The following SLC36A3 variants were observed in gnomAD, a reference collection of about 807,000 sequenced individuals.
The protein encoded by SLC36A3 is solute carrier family 36 member 3, also known as proton-coupled amino acid transporter 3.
In SLC36A3, 35 loss-of-function variants were observed where a neutral mutation model predicts 44.3. That is an observed-to-expected ratio of 0.79 (90% CI 0.60 to 1.05). The LOEUF is 1.05. Ranked by LOEUF, SLC36A3 falls within the 50% of genes least tolerant of loss-of-function variation. The pLI is 0.00. For missense variants in SLC36A3, 540 were observed against 578.7 expected, an observed-to-expected ratio of 0.93 and a Z score of 0.69; for synonymous variants, 211 against 227.6, an observed-to-expected ratio of 0.93 and a Z score of 0.66.
intron 6 of SLC36A3, among the ~76,000 whole-genome samples, 200 bp downstream of exon 6, chr5:151,287,046 T>C (rs1275958728): frequency 6.6e-6 from 1 of 150,644 alleles, no homozygotes; most frequent in Non-Finnish European, 1.5e-5. Context: ...ATGATGAGGA[T>C]GTTGATGACA....
In SLC36A3 at chr5:151,298,663, T is replaced by C. The variant is rs753756281; in HGVS notation, c.149A>G (p.His50Arg). The C allele has an allele frequency of 1.2e-6, 2 of 1,614,076 alleles. No homozygotes were observed. The highest frequency in any genetic ancestry group is 3.3e-5 in the Admixed American group (2 of 60,010). Residue 50 changes from histidine (H) to arginine (R), a missense_variant, in exon 2 of 10, where the codon CAC becomes CGC. Physicochemically the swap from His to Arg is conservative, Grantham distance 29. Transcript: ENST00000335230. ...TGTGCCAATGTTGCATTTCAACAAGTGGATCAAAGTTTGCATCATCCTGTG... is the reference window on the plus strand; with the variant it reads ...TGTGCCAATGTTGCATTTCAACAAGCGGATCAAAGTTTGCATCATCCTGTG... ...AGLSMMQTLIHLLKCNIGTGL... is the reference protein window; with the variant it reads ...AGLSMMQTLIRLLKCNIGTGL...
chr5:151,296,594 C>T (rs1435896954), intron 2 of SLC36A3: 1 of 349,948 alleles, frequency 2.9e-6, no homozygotes, highest in Non-Finnish European at 5.3e-6. Flanking sequence ...TCTGACACAC[C>T]CTGGCCCTCA....
intron 3 of SLC36A3, among the ~76,000 whole-genome samples, chr5:151,294,733 G>A (rs559795052): frequency 3.9e-4 from 60 of 151,930 alleles, no homozygotes; most frequent in African/African-American, 1.4e-3. Context: ...GGGTTCAAGC[G>A]ATTCTCCTGC....
chr5:151,280,492 A>G (rs1001576439), intron 9 of SLC36A3, among the ~76,000 whole-genome samples: 1 of 152,188 alleles, frequency 6.6e-6, no homozygotes, highest in African/African-American at 2.4e-5. Context: ...AGACTGACAA[A>G]TCAGTCCCAC....
intron 7 of SLC36A3, 34 bp from the exon 8 acceptor site, chr5:151,284,244 G>A (rs1450327961): frequency 3.2e-6 from 5 of 1,580,612 alleles, no homozygotes; most frequent in South Asian, 1.2e-5. Flanking sequence ...GAAAGAAAAG[G>A]TAGAAAGAGA....
chr5:151,292,014 C>A (rs1158804144), intron 4 of SLC36A3, among the ~76,000 whole-genome samples: 1 of 152,146 alleles, frequency 6.6e-6, no homozygotes, highest in East Asian at 1.9e-4. Context: ...GCACCCACCA[C>A]CAAGCCTGGC....
chr5:151,282,851 T>C (rs1754374754), intron 8 of SLC36A3, among the ~76,000 whole-genome samples: 1 of 151,924 alleles, frequency 6.6e-6, no homozygotes, highest in African/African-American at 2.4e-5. Flanking sequence ...ATTTATTTTT[T>C]AACTCACATT....
chr5:151,283,417 G>A (rs1460412653), intron 8 of SLC36A3, among the ~76,000 whole-genome samples: 1 of 152,158 alleles, frequency 6.6e-6, no homozygotes, highest in Non-Finnish European at 1.5e-5. Flanking sequence ...TCTAGCTGAG[G>A]TCCCAGGAAG....
Position 151,284,718 on chromosome 5 carries a change from G to GA in SLC36A3, c.709-8dup. On this transcript the variant is annotated splice_polypyrimidine_tract_variant and splice_region_variant and intron_variant, in intron 6 of 9. Coordinates refer to ENST00000335230, the MANE Select transcript of SLC36A3 (RefSeq NM_181774.4). ...TGCTGGGATATGGAATCCCCTAAAA[G>GA]AAAGTGGGAGAAGCACATTGGTGTT... 6.2e-7 allele frequency: 1 copy of GA among 1,605,032 alleles called. No homozygotes were observed. Among genetic ancestry groups the GA allele is most frequent in the Non-Finnish European group, 8.5e-7 (1 of 1,173,708 alleles).
At chr5:151,298,555 T>C in intron 2 of SLC36A3, 38 bp downstream of exon 2, 1 of 1,606,000 alleles carries the variant, frequency 6.2e-7, no homozygotes, top group East Asian at 2.2e-5. Flanking sequence ...CTTCTGCAAA[T>C]GAGCAAACCT....
At chr5:151,301,795 A>T (rs974185776) in intron 1 of SLC36A3, among the ~76,000 whole-genome samples, 2 of 151,138 alleles carry the variant, frequency 1.3e-5, no homozygotes, top group Non-Finnish European at 2.9e-5. Context: ...CTCTTTCTCC[A>T]TTGCAATTCC....
chr5:151,303,656 G>T lies in SLC36A3; in HGVS notation c.-302C>A, dbSNP rs373706636. 1.6e-5 allele frequency: 5 copies of T among 306,412 alleles called. No homozygotes were observed. Among genetic ancestry groups the T allele is most frequent in the African/African-American group, 1.1e-4 (5 of 47,258 alleles). The allele number at this position is 306,412 out of a possible 1,614,324, so 19.0% of individuals were successfully genotyped here. A position where few individuals can be genotyped will look rare whatever the true frequency, so the allele number is the denominator to read the frequency against. On this transcript the variant is annotated 5_prime_UTR_variant, in exon 1 of 10. Coordinates refer to ENST00000335230, the MANE Select transcript of SLC36A3 (RefSeq NM_181774.4). ...CAACCAGGACTTGCCTGGGCTTTTG[G>T]CCTCTCCTAGTTTAGCCCTTGCTGC... is the stretch of plus-strand genomic sequence containing the variant.
At chr5:151,287,930 G>A (rs900810112) in intron 5 of SLC36A3, among the ~76,000 whole-genome samples, 1 of 152,130 alleles carries the variant, frequency 6.6e-6, no homozygotes, top group African/African-American at 2.4e-5. Flanking sequence ...GTTCTTTCTG[G>A]CTGTTTGGGT....
chr5:151,285,531 G>A (rs1432780635), intron 6 of SLC36A3, among the ~76,000 whole-genome samples: 1 of 152,170 alleles, frequency 6.6e-6, no homozygotes, highest in South Asian at 2.1e-4. Context: ...GAATCTAGGG[G>A]GAATGATTAT....
chr5:151,286,774 T>C (rs758743475), intron 6 of SLC36A3, among the ~76,000 whole-genome samples: 6 of 152,210 alleles, frequency 3.9e-5, no homozygotes, highest in Non-Finnish European at 8.8e-5. Context: ...TAAGTTAATG[T>C]ATGTAAATAA....
Position 151,298,600 on chromosome 5 carries a change from C to T in SLC36A3, c.212G>A (p.Gly71Asp), listed in dbSNP as rs1007315457. The T allele has an allele frequency of 6.2e-7, 1 of 1,614,136 alleles. No individual in the cohort carries two copies. The highest frequency in any genetic ancestry group is 8.5e-7 in the Non-Finnish European group (1 of 1,179,986). ...LGLPLAIKNA[G>D]LLVGPVSLLA... ...CCCACAGATGCCTCTTACCAACAAG[C>T]CGGCATTCTTTATGGCCAGGGGAAG... is the stretch of plus-strand genomic sequence containing the variant. The change falls in exon 2 of 10, where the codon GGC (glycine) becomes GAC (aspartate). Residue 71 changes from glycine (G) to aspartate (D), a missense_variant. Gly to Asp is a moderately conservative substitution (Grantham distance 94). Coordinates refer to ENST00000335230, the MANE Select transcript of SLC36A3 (RefSeq NM_181774.4).
Position 151,281,126 on chromosome 5 carries a change from G to A in SLC36A3, c.1032C>T (p.Leu344=), listed in dbSNP as rs768927319. 2 of 1,614,162 alleles carry A rather than the reference G, an allele frequency of 1.2e-6. No individual in the cohort carries two copies. The highest frequency in any genetic ancestry group is 1.7e-6 in the Non-Finnish European group (2 of 1,180,012). The change falls in exon 9 of 10, where the codon CTC becomes CTT. Residue 344 remains leucine, a synonymous_variant. Transcript: ENST00000335230. ...TGATCTCAGCTGGGACGTGGAACTGGAGGGCATAGGTGAAGAAGATGCCGA... is the reference window on the plus strand; with the variant it reads ...TGATCTCAGCTGGGACGTGGAACTGAAGGGCATAGGTGAAGAAGATGCCGA... ...YSIGIFFTYA[L]QFHVPAEIII...
At chr5:151,299,264 C>CTCTATATATATATATATATATA (rs1372309288) in intron 1 of SLC36A3, among the ~76,000 whole-genome samples, 1 of 59,646 alleles carries the variant, frequency 1.7e-5, no homozygotes, top group African/African-American at 6.2e-5. Context: ...CTCTCTCTCT[C>CTCTATATATATATATATATATA]TATATATATA....
rs1039960806 is a variant in SLC36A3 at position 151,276,722 on chromosome 5, T to C, written c.*671A>G. On this transcript the variant is annotated 3_prime_UTR_variant, in exon 10 of 10. Coordinates refer to ENST00000335230, the MANE Select transcript of SLC36A3 (RefSeq NM_181774.4). ...CACATAGCAGGGTATGGAGTTTCAG[T>C]TACTCCACCTCCTCACCAACACTAG... 1 of 152,416 alleles carries C rather than the reference T, an allele frequency of 6.6e-6. No individual in the cohort carries two copies. The highest frequency in any genetic ancestry group is 1.5e-5 in the Non-Finnish European group (1 of 68,164). The allele number at this position is 152,416 out of a possible 1,614,324, so 9.4% of individuals were successfully genotyped here. A position where few individuals can be genotyped will look rare whatever the true frequency, so the allele number is the denominator to read the frequency against.
Sources: allele counts gnomAD v4.1 joint callset (sites outside exome capture counted in the v4.1 genomes callset), GRCh38; gene constraint gnomAD v4.1.1; transcripts MANE v1.5; gene names NCBI Gene and HGNC (gene_info 2026-07-23, HGNC 2026-07-21).